The following NAXD variants were observed in gnomAD, a reference collection of about 807,000 sequenced individuals.
NAXD encodes NAD(P)HX dehydratase.
NAXD carries 22 observed loss-of-function variants against 35.8 expected under a neutral mutation model. The ratio of observed to expected loss-of-function variants is 0.62; its 90% confidence interval spans 0.44 to 0.88. NAXD has a LOEUF of 0.88. NAXD is among the 40% of genes least tolerant of loss of function. The probability of loss-of-function intolerance (pLI) is 0.00; values close to 1 mark genes in which losing one functional copy is unlikely to be tolerated. For missense variants in NAXD, 428 were observed against 437.7 expected (o/e 0.98, Z 0.20); for synonymous variants, 189 against 177.6 (o/e 1.06, Z -0.51).
chr13:110,622,197 C>A lies in NAXD; in HGVS notation c.47-19C>A, dbSNP rs369235290. The A allele has an allele frequency of 7.5e-6, 12 of 1,599,464 alleles. No individual in the cohort carries two copies. In the African/African-American group the frequency reaches 1.1e-4, roughly 14 times the overall value. ...TATCTGTTTACCTTTCTGAATTATTCATTTTTCTTGTCTTTCAGTTTTAGA... is the reference window on the plus strand; with the variant it reads ...TATCTGTTTACCTTTCTGAATTATTAATTTTTCTTGTCTTTCAGTTTTAGA... On this transcript the variant is annotated intron_variant, in intron 1 of 9. Coordinates refer to ENST00000680254, the MANE Select transcript of NAXD (RefSeq NM_001242882.2).
rs969802747 is a variant in NAXD at position 110,638,989 on chromosome 13, G to A, written c.*461G>A. 113 of 335,248 alleles carry A rather than the reference G, an allele frequency of 3.4e-4. 3 individuals are homozygous for A. Among genetic ancestry groups the A allele is most frequent in the South Asian group, 1.8e-3 (75 of 41,348 alleles). 20.8% of individuals were successfully genotyped at this position (335,248 alleles called of 1,614,324 possible). On this transcript the variant is annotated 3_prime_UTR_variant, in exon 10 of 10. Transcript: ENST00000680254. The surrounding 1 kb of genome is among the most constrained non-coding windows in gnomAD (Gnocchi z 5.4). The stretch of plus-strand genomic sequence containing the variant: ...GTCCCCGGGTGTCTCCCTGAGTCCC[G>A]ACTGCACTGACTGGGTCCATCAGAG...
At chr13:110,631,865 C>G (rs1297960130) in intron 5 of NAXD, among the ~76,000 whole-genome samples, 1 of 152,236 alleles carries the variant, frequency 6.6e-6, no homozygotes, top group Non-Finnish European at 1.5e-5. Context: ...ACACACTTTC[C>G]TATGGCTGGA....
At chr13:110,629,819 T>A (rs1434220229) in intron 5 of NAXD, among the ~76,000 whole-genome samples, 1 of 152,214 alleles carries the variant, frequency 6.6e-6, no homozygotes, top group Non-Finnish European at 1.5e-5. Flanking sequence ...CCATAGCGGC[T>A]GCACTATTTT....
At chr13:110,637,310 G>A (rs1480249240) in intron 9 of NAXD, 61 bp downstream of exon 9, 13 of 1,591,808 alleles carry the variant, frequency 8.2e-6, no homozygotes, top group Non-Finnish European at 1.0e-5. Context: ...AGCTGTTTCA[G>A]TAGCTCATGC....
Position 110,638,928 on chromosome 13 carries a change from T to C in NAXD, c.*400T>C, listed in dbSNP as rs550446375. On this transcript the variant is annotated 3_prime_UTR_variant, in exon 10 of 10. Transcript: ENST00000680254. This position sits in a 1 kb window ranked among gnomAD's most constrained non-coding sequence, Gnocchi z 5.4. ...CCCTTCGTTCCTCCTCTGCTTCCCT[T>C]CCCTAGTCTTTCCTCCGGCAGGGAG... 5.5e-6 allele frequency: 2 copies of C among 361,606 alleles called. No individual in the cohort carries two copies. The highest frequency in any genetic ancestry group is 4.3e-5 in the South Asian group (2 of 46,848). The allele number at this position is 361,606 out of a possible 1,614,324, so 22.4% of individuals were successfully genotyped here.
Position 110,634,593 on chromosome 13 carries a change from G to A in NAXD, c.490G>A (p.Ala164Thr). ...KARDIPVVID[A>T]DGLWLVAQQP... ...CAGGGACATCCCTGTTGTCATCGAC[G>A]CGGTGAGTTGACTTCTCTCCTCCTG... Residue 164 changes from alanine to threonine, a missense_variant and splice_region_variant, in exon 6 of 10, where the codon GCG becomes ACG. This residue lies in a region of NAXD where 11 missense variants were observed against 30.0 expected (regional missense o/e 0.37). Transcript: ENST00000680254. 1 of 1,614,194 alleles carries A rather than the reference G, an allele frequency of 6.2e-7. No individual in the cohort carries two copies. Among genetic ancestry groups the A allele is most frequent in the Non-Finnish European group, 8.5e-7 (1 of 1,180,018 alleles).
In NAXD at chr13:110,635,234, G is replaced by C. The variant is rs377674085; in HGVS notation, c.598-234G>C. Among the ~76,000 whole-genome samples the C allele has an allele frequency of 8.2e-4, 125 of 152,334 alleles. No homozygotes were observed. In the Middle Eastern group the frequency reaches 0.017, roughly 21 times the overall value. On this transcript the variant is annotated intron_variant, in intron 7 of 9. Transcript: ENST00000680254. ...GTCTTGGGTGGTCCTCCTTCAGCCT[G>C]CTCTGATGAGGTAGAGGATGGGCAC...
chr13:110,628,275 C>G lies in NAXD; in HGVS notation c.441+728C>G, dbSNP rs767798114. Among the ~76,000 whole-genome samples the G allele has an allele frequency of 6.6e-6, 1 of 152,176 alleles. No individual in the cohort carries two copies. The highest frequency in any genetic ancestry group is 1.5e-5 in the Non-Finnish European group (1 of 68,038). On this transcript the variant is annotated intron_variant, in intron 5 of 9. Coordinates refer to ENST00000680254, the MANE Select transcript of NAXD (RefSeq NM_001242882.2). This position sits in a 1 kb window ranked among gnomAD's most constrained non-coding sequence, Gnocchi z 4.1. The stretch of plus-strand genomic sequence containing the variant: ...GGGGCTGCCCTCTGAGACCCTTTCT[C>G]AAGTTCCGGGGGACCCCTGTTAGAG...
At chr13:110,619,991 G>A (rs1886197653) in intron 1 of NAXD, among the ~76,000 whole-genome samples, 1 of 151,950 alleles carries the variant, frequency 6.6e-6, no homozygotes, top group African/African-American at 2.4e-5. Context: ...TAGAGATGGG[G>A]TTTCACTATG....
At chr13:110,625,463 C>A (rs330561) in intron 4 of NAXD, among the ~76,000 whole-genome samples, 185 bp downstream of exon 4, 152,262 of 152,342 alleles carry the variant, frequency 1, 76,091 homozygotes, top group Non-Finnish European at 1. Context: ...ACAGAGACGG[C>A]GGGGTGGAGA....
In NAXD at chr13:110,638,370, C is replaced by T. The variant is rs774800264; in HGVS notation, c.840-8C>T. 1.9e-5 allele frequency: 31 copies of T among 1,613,778 alleles called. No homozygotes were observed. Among genetic ancestry groups the T allele is most frequent in the Admixed American group, 3.3e-5 (2 of 60,004 alleles). ...TCCCCACACCTCCTGCTGTCCCCCT[C>T]TCCGCAGGTCCAGCCCTCTCCTGGT... On this transcript the variant is annotated splice_polypyrimidine_tract_variant and splice_region_variant and intron_variant, in intron 9 of 9. Coordinates refer to ENST00000680254, the MANE Select transcript of NAXD (RefSeq NM_001242882.2). This position sits in a 1 kb window ranked among gnomAD's most constrained non-coding sequence, Gnocchi z 5.4.
In NAXD at chr13:110,619,499, T is replaced by C. The variant is rs538612251; in HGVS notation, c.47-2717T>C. Among the ~76,000 whole-genome samples, 19 of 152,320 alleles carry C rather than the reference T, an allele frequency of 1.2e-4. No individual in the cohort carries two copies. The South Asian group carries it at 3.7e-3, about 30-fold the overall frequency. ...TAAGTTGAAGTCTGACTAAATTGTT[T>C]TTCTCTGTGATTTCATAAGTCACAA... On this transcript the variant is annotated intron_variant, in intron 1 of 9. Coordinates refer to ENST00000680254, the MANE Select transcript of NAXD (RefSeq NM_001242882.2).
At chr13:110,630,859 G>T (rs1295304799) in intron 5 of NAXD, among the ~76,000 whole-genome samples, 1 of 152,184 alleles carries the variant, frequency 6.6e-6, no homozygotes, top group East Asian at 1.9e-4. Context: ...TTTCTGTTTT[G>T]TTGATCTGTA....
rs1886959538 is a variant in NAXD at position 110,637,221 on chromosome 13, C to G, written c.811C>G (p.Leu271Val). 1 of 1,614,000 alleles carries G rather than the reference C, an allele frequency of 6.2e-7. No individual in the cohort carries two copies. Among genetic ancestry groups the G allele is most frequent in the Non-Finnish European group, 8.5e-7 (1 of 1,180,008 alleles). Residue 271 changes from leucine (L) to valine (V), a missense_variant, in exon 9 of 10, where the codon CTC becomes GTC. Around this residue, in one of 3 missense-constraint regions of NAXD, gnomAD observed 209 missense variants for 214.6 expected, o/e 0.97. Transcript: ENST00000680254. ...CCTGGGCGTCCTGGTACACTGGGCG[C>G]TCCTTGCTGGACCACAGAAAACAAA... ...GSLGVLVHWA[L>V]LAGPQKTNGS...
chr13:110,627,419 G>A lies in NAXD; in HGVS notation c.333-20G>A, dbSNP rs1473738092. The A allele has an allele frequency of 1.9e-6, 3 of 1,557,664 alleles. No individual in the cohort carries two copies. Among genetic ancestry groups the A allele is most frequent in the East Asian group, 2.2e-5 (1 of 44,510 alleles). ...TGAGGAATTGTGGGTAACCATCCTG[G>A]CCTTCCTTTCCTTCTTTAGTGACAG... On this transcript the variant is annotated intron_variant, in intron 4 of 9. Coordinates refer to ENST00000680254, the MANE Select transcript of NAXD (RefSeq NM_001242882.2).
chr13:110,618,657 C>A (rs900469446), intron 1 of NAXD, among the ~76,000 whole-genome samples: 1 of 152,064 alleles, frequency 6.6e-6, no homozygotes, highest in Non-Finnish European at 1.5e-5. Context: ...ATATTGTATT[C>A]GATGTTTGAG....
chr13:110,623,935 G>A (rs1461931230), intron 2 of NAXD, among the ~76,000 whole-genome samples: 1 of 151,582 alleles, frequency 6.6e-6, no homozygotes, highest in Non-Finnish European at 1.5e-5. Context: ...CCAGGAGGCG[G>A]AGGTTGCAAT....
chr13:110,623,552 A>G lies in NAXD; in HGVS notation c.198-682A>G, dbSNP rs374678670. On this transcript the variant is annotated intron_variant, in intron 2 of 9. Transcript: ENST00000680254. Reference sequence around the variant, plus strand: ...GTCTGCCCACTCTGGGACCCTGTCCATGCCCGACTGCTCCGAACATGTGGT... The same window carrying G: ...GTCTGCCCACTCTGGGACCCTGTCCGTGCCCGACTGCTCCGAACATGTGGT... Among the ~76,000 whole-genome samples the G allele has an allele frequency of 7.9e-5, 12 of 152,290 alleles. No homozygotes were observed. The South Asian group carries it at 2.5e-3, about 32-fold the overall frequency.
Position 110,639,295 on chromosome 13 carries a change from G to A in NAXD, c.*767G>A, listed in dbSNP as rs1887075623. 1 of 154,302 alleles carries A rather than the reference G, an allele frequency of 6.5e-6. No homozygotes were observed. The highest frequency in any genetic ancestry group is 2.4e-5 in the African/African-American group (1 of 41,468). The allele number at this position is 154,302 out of a possible 1,614,324, so 9.6% of individuals were successfully genotyped here. A position where few individuals can be genotyped will look rare whatever the true frequency, so the allele number is the denominator to read the frequency against. On this transcript the variant is annotated 3_prime_UTR_variant, in exon 10 of 10. Transcript: ENST00000680254. ...CCACCGGCCCCAGCAGGGCAGACCG[G>A]ACCGGGGACGGGCACGGTGAAGGGC... is the stretch of plus-strand genomic sequence containing the variant.
Sources: allele counts gnomAD v4.1 joint callset (sites outside exome capture counted in the v4.1 genomes callset), GRCh38; gene constraint gnomAD v4.1.1; regional missense constraint gnomAD v4.1.1; non-coding constraint Gnocchi (gnomAD v3.1); transcripts MANE v1.5; gene names NCBI Gene and HGNC (gene_info 2026-07-23, HGNC 2026-07-21).